The following SRPK2 variants were observed in gnomAD, a reference collection of about 807,000 sequenced individuals.
SRPK2 encodes SRSF protein kinase 2.
A neutral mutation model predicts 90.8 loss-of-function variants in SRPK2; 21 were observed. The ratio of observed to expected loss-of-function variants is 0.23; its 90% CI spans 0.16 to 0.33. The LOEUF is 0.33. Among genes scored for constraint, SRPK2 ranks in the 10% least tolerant of loss-of-function variants. The probability of loss-of-function intolerance (pLI) is 1.00; values close to 1 mark genes in which losing one functional copy is unlikely to be tolerated. For missense variants in SRPK2, 620 were observed against 869.0 expected, an observed-to-expected ratio of 0.71 and a Z score of 3.60; for synonymous variants, 288 against 311.1, an observed-to-expected ratio of 0.93 and a Z score of 0.78.
intron 3 of SRPK2, among the ~76,000 whole-genome samples, chr7:105,185,058 G>T (rs982126372): frequency 6.6e-6 from 1 of 151,942 alleles, no homozygotes; most frequent in Non-Finnish European, 1.5e-5. Context: ...GACATTGTTT[G>T]TATCTGTTCA....
At chr7:105,333,320 T>C (rs937490091) in intron 2 of SRPK2, among the ~76,000 whole-genome samples, 10 of 152,238 alleles carry the variant, frequency 6.6e-5, no homozygotes, top group Admixed American at 2.0e-4. Context: ...GAAATGTTTA[T>C]TGTAACAAAT....
chr7:105,176,731 A>G (rs1184969722), intron 3 of SRPK2, among the ~76,000 whole-genome samples: 2 of 125,210 alleles, frequency 1.6e-5, no homozygotes, highest in East Asian at 2.3e-4. Flanking sequence ...GTGTGTATGT[A>G]TGTATGTATG....
At chr7:105,233,640 G>A (rs1220982364) in intron 2 of SRPK2, among the ~76,000 whole-genome samples, 1 of 152,124 alleles carries the variant, frequency 6.6e-6, no homozygotes, top group African/African-American at 2.4e-5. Context: ...GATCACTTAA[G>A]GTCAGGAGTT....
chr7:105,319,749 T>G (rs745341202), intron 2 of SRPK2, among the ~76,000 whole-genome samples: 4 of 152,090 alleles, frequency 2.6e-5, no homozygotes, highest in Non-Finnish European at 5.9e-5. Flanking sequence ...ACTTTAACCA[T>G]TCATACACTG....
At chr7:105,384,599 A>G (rs1482006598) in intron 2 of SRPK2, among the ~76,000 whole-genome samples, 1 of 152,198 alleles carries the variant, frequency 6.6e-6, no homozygotes, top group Non-Finnish European at 1.5e-5. Context: ...AATTATACCT[A>G]TTACTCCTTT....
chr7:105,301,715 C>T, intron 2 of SRPK2: 4 of 1,600,530 alleles, frequency 2.5e-6, no homozygotes, highest in Admixed American at 3.3e-5. Context: ...TCTATGAACG[C>T]TTTTTTTTTA....
chr7:105,232,458 T>TAAAAAAAAAAAA (rs10533429), intron 2 of SRPK2, among the ~76,000 whole-genome samples: 2 of 132,062 alleles, frequency 1.5e-5, no homozygotes, highest in African/African-American at 5.7e-5. Flanking sequence ...AAACCTTATC[T>TAAAAAAAAAAAA]AAAAAAAAAA....
rs939872678 is a variant in SRPK2 at position 105,299,170 on chromosome 7, G to A, written c.71+89478C>T. ...TACAGTCCTGTGTTCTGCATGGCCTGCATGGAGGTGGGGCCACACAGTCTC... is the reference window on the plus strand; with the variant it reads ...TACAGTCCTGTGTTCTGCATGGCCTACATGGAGGTGGGGCCACACAGTCTC... On this transcript the variant is annotated intron_variant, in intron 2 of 15. Coordinates refer to ENST00000393651, the MANE Select transcript of SRPK2 (RefSeq NM_182692.3). Among the ~76,000 whole-genome samples, 15 of 152,334 alleles carry A rather than the reference G, an allele frequency of 9.8e-5. 1 individual carries two copies. The highest frequency in any genetic ancestry group is 3.6e-4 in the African/African-American group (15 of 41,574).
intron 3 of SRPK2, among the ~76,000 whole-genome samples, chr7:105,170,932 AAGG>A (rs1790938485): frequency 2.3e-5 from 1 of 43,078 alleles, no homozygotes; most frequent in Non-Finnish European, 5.0e-5. Flanking sequence ...GAAAAAGAAA[AAGG>A]AAAGAAAGAA....
chr7:105,375,137 T>C (rs180853268), intron 2 of SRPK2, among the ~76,000 whole-genome samples: 69 of 152,304 alleles, frequency 4.5e-4, no homozygotes, highest in African/African-American at 1.7e-3. Context: ...AGATATGGCA[T>C]ATAATATTTT....
intron 2 of SRPK2, among the ~76,000 whole-genome samples, chr7:105,310,123 A>G (rs1158785500): frequency 1.3e-5 from 2 of 152,184 alleles, no homozygotes; most frequent in African/African-American, 2.4e-5. Context: ...CAGAGAAAAC[A>G]TGGAACACAA....
intron 2 of SRPK2, among the ~76,000 whole-genome samples, chr7:105,361,365 G>C (rs1025999133): frequency 6.6e-6 from 1 of 152,166 alleles, no homozygotes; most frequent in Non-Finnish European, 1.5e-5. Flanking sequence ...CTCATGGATA[G>C]GAAGAATCAA....
intron 2 of SRPK2, among the ~76,000 whole-genome samples, chr7:105,361,770 A>G (rs1233270129): frequency 1.3e-5 from 2 of 152,194 alleles, no homozygotes; most frequent in African/African-American, 4.8e-5. Flanking sequence ...CTGGCTAGCT[A>G]TATGTAGAAA....
At chr7:105,373,974 C>T (rs534759594) in intron 2 of SRPK2, among the ~76,000 whole-genome samples, 1 of 151,896 alleles carries the variant, frequency 6.6e-6, no homozygotes, top group Non-Finnish European at 1.5e-5. Flanking sequence ...GTCGCCCACG[C>T]TGGAGTGCAG....
intron 11 of SRPK2, among the ~76,000 whole-genome samples, chr7:105,134,951 C>T (rs188863914): frequency 6.6e-6 from 1 of 152,246 alleles, no homozygotes; most frequent in East Asian, 1.9e-4. Flanking sequence ...GGAAAAGAAA[C>T]ACCAGAACTC....
intron 2 of SRPK2, among the ~76,000 whole-genome samples, chr7:105,343,094 G>A (rs1214023556): frequency 1.3e-5 from 2 of 152,186 alleles, no homozygotes; most frequent in Admixed American, 6.5e-5. Flanking sequence ...AGGCTTCAAG[G>A]AGGACTTGAA....
At chr7:105,142,676 G>T (rs1414043935) in intron 10 of SRPK2, among the ~76,000 whole-genome samples, 186 bp from the exon 11 acceptor site, 1 of 151,994 alleles carries the variant, frequency 6.6e-6, no homozygotes, top group East Asian at 1.9e-4. Flanking sequence ...TTTAGTAATT[G>T]GCCTGCTCTT....
At chr7:105,165,749 G>A (rs750522953) in intron 6 of SRPK2, among the ~76,000 whole-genome samples, 3 of 152,160 alleles carry the variant, frequency 2.0e-5, no homozygotes, top group Non-Finnish European at 4.4e-5. Flanking sequence ...ATAAAAGCTG[G>A]CCACCCGAAC....
intron 2 of SRPK2, among the ~76,000 whole-genome samples, chr7:105,209,092 T>C (rs1796551730): frequency 6.6e-6 from 1 of 152,194 alleles, no homozygotes. Context: ...ATTTAAGCAA[T>C]CAATATGCAT....
Sources: gnomAD v4.1 joint callset for allele counts (sites outside exome capture counted in the v4.1 genomes callset) on GRCh38, gnomAD v4.1.1 for gene constraint, MANE v1.5 for transcripts, NCBI Gene and HGNC (gene_info 2026-07-23, HGNC 2026-07-21) for gene names.